SAMD5: variants seen among roughly 807,000 people sequenced by gnomAD.
SAMD5 encodes sterile alpha motif domain-containing protein 5.
SAMD5 carries 13 observed loss-of-function variants against 11.3 expected under a neutral mutation model. The ratio of observed to expected loss-of-function variants is 1.15; its 90% CI spans 0.75 to 1.83. The LOEUF (loss-of-function observed/expected upper bound fraction) is 1.83, where lower values mean the gene tolerates loss of function less well. Among genes scored for constraint, SAMD5 ranks in the 40% most tolerant of loss-of-function variants. SAMD5 has a pLI of 0.00. For missense variants in SAMD5, 255 were observed against 239.1 expected, an observed-to-expected ratio of 1.07 and a Z score of -0.44; for synonymous variants, 129 against 111.3, an observed-to-expected ratio of 1.16 and a Z score of -1.00.
chr6:147,683,771 C>T (rs1790972091), intron 1 of SAMD5, among the ~76,000 whole-genome samples: 1 of 152,094 alleles, frequency 6.6e-6, no homozygotes, highest in Admixed American at 6.6e-5. Context: ...CAAATGACAA[C>T]AGTAGAAAAT....
the SAMD5 span, among the ~76,000 whole-genome samples, chr6:147,949,958 T>C: frequency 8.3e-4 from 126 of 152,358 alleles, no homozygotes; most frequent in African/African-American, 3.0e-3. Context: ...CTTGTGTTAG[T>C]ACTTTGCTGA....
chr6:147,521,514 T>G (rs140835569), intron 1 of SAMD5, among the ~76,000 whole-genome samples: 180 of 152,158 alleles, frequency 1.2e-3, no homozygotes, highest in African/African-American at 4.1e-3. Flanking sequence ...ATAGAGAGGG[T>G]GCAGTCTCAA....
the SAMD5 span, among the ~76,000 whole-genome samples, chr6:147,778,590 C>G: frequency 6.6e-6 from 1 of 152,120 alleles, no homozygotes; most frequent in Non-Finnish European, 1.5e-5. Flanking sequence ...TTTCTACATA[C>G]ACCAGCAAAT....
chr6:147,582,486 T>G (rs1789314002), intron 1 of SAMD5, among the ~76,000 whole-genome samples: 1 of 152,224 alleles, frequency 6.6e-6, no homozygotes, highest in Admixed American at 6.5e-5. Flanking sequence ...CTTTTATGTT[T>G]GAATGGGGCT....
chr6:147,625,594 C>G (rs2128450737), intron 1 of SAMD5, among the ~76,000 whole-genome samples: 1 of 152,256 alleles, frequency 6.6e-6, no homozygotes, highest in South Asian at 2.1e-4. Context: ...ATCCAGCTTT[C>G]CTCAGTGCCA....
At chr6:147,735,919 C>T (rs1338382513) in intron 1 of SAMD5, among the ~76,000 whole-genome samples, 1 of 152,108 alleles carries the variant, frequency 6.6e-6, no homozygotes, top group Non-Finnish European at 1.5e-5. Context: ...TCAAAACCTG[C>T]TCTTTCTCAG....
rs1789057063 is a variant in SAMD5, at chr6:147,567,297, G to A, written c.*2841G>A. ...TAGTTTCTCAACTGGGAGCATACGA[G>A]CAATTTCTCAGTTCAGAGATATTTA... On this transcript the variant is annotated 3_prime_UTR_variant, in exon 2 of 2. Transcript: ENST00000367474. 1.0e-6 allele frequency: 1 copy of A among 985,210 alleles called. No homozygotes were observed. Among genetic ancestry groups the A allele is most frequent in the South Asian group, 4.7e-5 (1 of 21,292 alleles). The allele number at this position is 985,210 out of a possible 1,614,324, so 61.0% of individuals were successfully genotyped here. A position where few individuals can be genotyped will look rare whatever the true frequency, so the allele number is the denominator to read the frequency against.
the SAMD5 span, among the ~76,000 whole-genome samples, chr6:147,766,820 A>C: frequency 6.6e-6 from 1 of 152,322 alleles, no homozygotes; most frequent in African/African-American, 2.4e-5. Context: ...GAGCTGCAGG[A>C]GAGAATTATG....
intron 1 of SAMD5, among the ~76,000 whole-genome samples, chr6:147,702,394 A>G (rs1329892152): frequency 6.6e-6 from 1 of 152,224 alleles, no homozygotes; most frequent in Non-Finnish European, 1.5e-5. Flanking sequence ...AGGCAATAAA[A>G]CATTTGGGAG....
At chr6:147,636,182 C>T (rs1203265944) in intron 1 of SAMD5, among the ~76,000 whole-genome samples, 1 of 152,104 alleles carries the variant, frequency 6.6e-6, no homozygotes, top group South Asian at 2.1e-4. Context: ...CTGGTAAGTG[C>T]CCTAGCAGGC....
chr6:147,757,930 G>A, the SAMD5 span, among the ~76,000 whole-genome samples: 1 of 152,054 alleles, frequency 6.6e-6, no homozygotes, highest in Non-Finnish European at 1.5e-5. Context: ...AGCATTGCAA[G>A]CCTAGTGAGT....
chr6:147,645,503 T>C (rs1435454031), intron 1 of SAMD5, among the ~76,000 whole-genome samples: 1 of 152,196 alleles, frequency 6.6e-6, no homozygotes, highest in Non-Finnish European at 1.5e-5. Flanking sequence ...GTTATGTATT[T>C]ATACACTTAC....
At chr6:147,621,173 T>G (rs951018919) in intron 1 of SAMD5, among the ~76,000 whole-genome samples, 1 of 152,144 alleles carries the variant, frequency 6.6e-6, no homozygotes, top group Non-Finnish European at 1.5e-5. Context: ...CTGTATGCTT[T>G]TACATACTTC....
At chr6:147,581,815 G>A (rs1789302751) in intron 1 of SAMD5, among the ~76,000 whole-genome samples, 1 of 152,174 alleles carries the variant, frequency 6.6e-6, no homozygotes, top group African/African-American at 2.4e-5. Flanking sequence ...TGAAGAGAGG[G>A]AGCTGGAATA....
intron 1 of SAMD5, among the ~76,000 whole-genome samples, chr6:147,512,756 T>A (rs148594017): frequency 6.6e-6 from 1 of 152,082 alleles, no homozygotes; most frequent in Non-Finnish European, 1.5e-5. Flanking sequence ...AGGCCTTCTG[T>A]TGGACTCTGG....
chr6:147,806,712 A>G, the SAMD5 span, among the ~76,000 whole-genome samples: 1 of 152,138 alleles, frequency 6.6e-6, no homozygotes, highest in African/African-American at 2.4e-5. Flanking sequence ...CTTCCCTGCC[A>G]AGCACCATGA....
chr6:147,593,812 C>T (rs1369928801), intron 1 of SAMD5, among the ~76,000 whole-genome samples: 1 of 152,114 alleles, frequency 6.6e-6, no homozygotes, highest in African/African-American at 2.4e-5. Flanking sequence ...TTTGCAGACT[C>T]ATCCCCATGA....
chr6:147,688,078 A>G (rs138488845), intron 1 of SAMD5, among the ~76,000 whole-genome samples: 1 of 152,068 alleles, frequency 6.6e-6, no homozygotes, highest in East Asian at 1.9e-4. Context: ...ACAGGGTCCC[A>G]TATTCTCTTT....
At chr6:147,531,941 G>A (rs1421275752) in intron 1 of SAMD5, among the ~76,000 whole-genome samples, 1 of 152,070 alleles carries the variant, frequency 6.6e-6, no homozygotes, top group Non-Finnish European at 1.5e-5. Context: ...TCTTGGAGAA[G>A]ATAAACATAC....
Sources: allele counts gnomAD v4.1 joint callset (sites outside exome capture counted in the v4.1 genomes callset), GRCh38; gene constraint gnomAD v4.1.1; transcripts MANE v1.5; gene names NCBI Gene and HGNC (gene_info 2026-07-23, HGNC 2026-07-21).